The following ANO6 variants were observed in gnomAD, a reference collection of about 807,000 sequenced individuals.
The protein encoded by ANO6 is anoctamin-6.
ANO6 carries 106 observed loss-of-function variants against 117.5 expected under a neutral mutation model. That is an observed-to-expected ratio of 0.90 (90% CI 0.77 to 1.06). The LOEUF (loss-of-function observed/expected upper bound fraction) is 1.06. Ranked by LOEUF, ANO6 falls within the 50% of genes least tolerant of loss-of-function variation. The pLI is 0.00. For missense variants in ANO6, 955 were observed against 1,121.1 expected (o/e 0.85, Z 2.12); for synonymous variants, 367 against 385.1 (o/e 0.95, Z 0.55).
intron 2 of ANO6, among the ~76,000 whole-genome samples, chr12:45,303,654 T>A (rs193013845): frequency 1.1e-4 from 16 of 152,326 alleles, no homozygotes; most frequent in Non-Finnish European, 1.8e-4. Context: ...GCAGATACAC[T>A]GATAATCTTC....
At chr12:45,352,534 C>CT (rs1941304395) in intron 7 of ANO6, among the ~76,000 whole-genome samples, 1 of 137,584 alleles carries the variant, frequency 7.3e-6, no homozygotes, top group Non-Finnish European at 1.5e-5. Flanking sequence ...CAAGGCCAGA[C>CT]TGAGCAGCAT....
Position 45,263,367 on chromosome 12 carries a change from CTTTTTTTTTTTT to C in ANO6, c.71-38636_71-38625del, listed in dbSNP as rs72457782. The stretch of plus-strand genomic sequence containing the variant: ...CTACAACCATCATGCCTGGCCTGGC[CTTTTTTTTTTTT>C]TTTTTTTTTTCCTGGAGAGATGGGA... On this transcript the variant is annotated intron_variant, in intron 1 of 19. Coordinates refer to ENST00000320560, the MANE Select transcript of ANO6 (RefSeq NM_001025356.3). Among the ~76,000 whole-genome samples, 41 of 79,178 alleles carry C rather than the reference CTTTTTTTTTTTT, an allele frequency of 5.2e-4. No individual in the cohort carries two copies. The East Asian group carries it at 0.015, about 29-fold the overall frequency. 51.9% of individuals were successfully genotyped at this position (79,178 alleles called of 152,430 possible). A position where few individuals can be genotyped will look rare whatever the true frequency, so the allele number is the denominator to read the frequency against.
intron 1 of ANO6, among the ~76,000 whole-genome samples, chr12:45,241,105 A>G (rs1391447343): frequency 6.6e-6 from 1 of 152,190 alleles, no homozygotes; most frequent in African/African-American, 2.4e-5. Context: ...CTGCCTTGCT[A>G]GGTTGGAGAA....
intron 1 of ANO6, among the ~76,000 whole-genome samples, chr12:45,223,452 A>G (rs1320786118): frequency 6.6e-6 from 1 of 152,134 alleles, no homozygotes; most frequent in Non-Finnish European, 1.5e-5. Context: ...ATTGTTGAAT[A>G]AGAGAATAGA....
chr12:45,372,744 G>C (rs897058107), intron 9 of ANO6, among the ~76,000 whole-genome samples: 110 of 152,148 alleles, frequency 7.2e-4, no homozygotes, highest in Non-Finnish European at 5.3e-4. Flanking sequence ...CCAGTACCAG[G>C]CGCTGCAAAA....
chr12:45,416,397 C>CT (rs1335156299), intron 16 of ANO6, among the ~76,000 whole-genome samples: 2 of 151,988 alleles, frequency 1.3e-5, no homozygotes, highest in African/African-American at 4.8e-5. Flanking sequence ...GAATAATATG[C>CT]TTATGATGTC....
intron 16 of ANO6, among the ~76,000 whole-genome samples, chr12:45,414,147 CTTG>C (rs1156815692): frequency 6.6e-6 from 1 of 151,872 alleles, no homozygotes; most frequent in Non-Finnish European, 1.5e-5. Context: ...TACTCTACCA[CTTG>C]TTGTGAAGGT....
chr12:45,264,545 C>G (rs1938151806), intron 1 of ANO6, among the ~76,000 whole-genome samples: 1 of 152,136 alleles, frequency 6.6e-6, no homozygotes, highest in African/African-American at 2.4e-5. Context: ...GTGTGGCAAC[C>G]TGTCATGGAC....
In ANO6 at chr12:45,409,353, G is replaced by A; in HGVS notation, c.1881-4G>A. On this transcript the variant is annotated splice_polypyrimidine_tract_variant and splice_region_variant and intron_variant, in intron 15 of 19. Coordinates refer to ENST00000320560, the MANE Select transcript of ANO6 (RefSeq NM_001025356.3). Reference sequence around the variant, plus strand: ...TCTAATTTATAAATTGTTCTTTTTGGCAGCTGGATCATGAATCTAATTGGG... The same window carrying A: ...TCTAATTTATAAATTGTTCTTTTTGACAGCTGGATCATGAATCTAATTGGG... 6.2e-7 allele frequency: 1 copy of A among 1,613,752 alleles called. No homozygotes were observed. Among genetic ancestry groups the A allele is most frequent in the African/African-American group, 1.3e-5 (1 of 75,034 alleles).
At chr12:45,315,131 A>C (rs1403840672) in intron 2 of ANO6, among the ~76,000 whole-genome samples, 1 of 152,074 alleles carries the variant, frequency 6.6e-6, no homozygotes, top group Non-Finnish European at 1.5e-5. Flanking sequence ...TCATGGTGGA[A>C]ATGTTCTGCC....
intron 1 of ANO6, among the ~76,000 whole-genome samples, chr12:45,298,921 T>G (rs10880768): frequency 0.054 from 8,234 of 152,088 alleles, 531 homozygotes; most frequent in East Asian, 0.34. Context: ...AAATTGGGTA[T>G]CTAATCATCT....
intron 1 of ANO6, among the ~76,000 whole-genome samples, chr12:45,218,964 G>A (rs1947356272): frequency 6.6e-6 from 1 of 152,152 alleles, no homozygotes; most frequent in South Asian, 2.1e-4. Context: ...TTTAGAGACA[G>A]GGTCTTGCTC....
intron 18 of ANO6, 28 bp downstream of exon 18, chr12:45,421,301 T>A (rs1261529938): frequency 6.2e-7 from 1 of 1,604,654 alleles, no homozygotes; most frequent in East Asian, 2.2e-5. Flanking sequence ...TGTTTAAAAA[T>A]GCACTTCATC....
At chr12:45,288,675 G>A (rs1938994653) in intron 1 of ANO6, among the ~76,000 whole-genome samples, 1 of 152,166 alleles carries the variant, frequency 6.6e-6, no homozygotes, top group Non-Finnish European at 1.5e-5. Context: ...TATGAACATG[G>A]ATGTCCAAAT....
rs567258249 is a variant in ANO6, at chr12:45,331,532, C to G, written c.279+109C>G. The G allele has an allele frequency of 4.8e-6, 5 of 1,043,936 alleles. No individual in the cohort carries two copies. The South Asian group carries it at 6.9e-5, about 14-fold the overall frequency. The allele number at this position is 1,043,936 out of a possible 1,614,324, so 64.7% of individuals were successfully genotyped here. ...GAAACTGATGTTGAAATATCATACA[C>G]AAAACAGTTTCATATTTTCTCTGCT... is the stretch of plus-strand genomic sequence containing the variant. On this transcript the variant is annotated intron_variant, in intron 3 of 19. Transcript: ENST00000320560.
intron 6 of ANO6, 46 bp downstream of exon 6, chr12:45,348,677 T>G: frequency 3.5e-6 from 5 of 1,412,504 alleles, no homozygotes; most frequent in Non-Finnish European, 5.0e-6. Context: ...CTGTATACTC[T>G]GGTGTTGACA....
intron 6 of ANO6, among the ~76,000 whole-genome samples, chr12:45,349,926 T>G (rs12578337): frequency 0.093 from 14,226 of 152,192 alleles, 1,170 homozygotes; most frequent in African/African-American, 0.22. Context: ...CTTTTGGCCA[T>G]GTCTTTTCCA....
At chr12:45,329,112 A>G (rs1386849753) in intron 2 of ANO6, among the ~76,000 whole-genome samples, 5 of 152,210 alleles carry the variant, frequency 3.3e-5, no homozygotes, top group Admixed American at 3.3e-4. Context: ...TTACACATGA[A>G]CAAGAATTTG....
At chr12:45,338,713 G>A (rs1036428667) in intron 3 of ANO6, among the ~76,000 whole-genome samples, 20 of 152,066 alleles carry the variant, frequency 1.3e-4, no homozygotes, top group African/African-American at 2.6e-4. Context: ...TATGAAATGC[G>A]TTGCTGGTAT....
Sources: allele counts gnomAD v4.1 joint callset (sites outside exome capture counted in the v4.1 genomes callset), GRCh38; gene constraint gnomAD v4.1.1; transcripts MANE v1.5; gene names NCBI Gene and HGNC (gene_info 2026-07-23, HGNC 2026-07-21).